Variants in RABAC1 observed in about 807,000 individuals in gnomAD.
The protein encoded by RABAC1 is Rab acceptor 1, also known as prenylated Rab acceptor protein 1.
RABAC1 carries 16 observed loss-of-function variants against 22.9 expected under a neutral mutation model. That is an observed-to-expected ratio of 0.70 (90% CI 0.47 to 1.06). RABAC1 has a LOEUF of 1.06. RABAC1 is among the 50% of genes least tolerant of loss of function. The pLI, the probability that RABAC1 is intolerant of heterozygous loss-of-function variation, is 0.00. For synonymous variants in RABAC1, 139 were observed against 107.7 expected, an observed-to-expected ratio of 1.29 and a Z score of -1.80; for missense variants, 227 against 246.5, an observed-to-expected ratio of 0.92 and a Z score of 0.53.
At chr19:41,958,410 G>A (rs376197104) in intron 2 of RABAC1, 27 bp from the exon 3 acceptor site, 28 of 1,597,648 alleles carry the variant, frequency 1.8e-5, no homozygotes, top group East Asian at 4.5e-5. Context: ...GGGAGGCAGC[G>A]GTTAGACAGC....
At chr19:41,957,749 A>G (rs2074996472) in intron 3 of RABAC1, 1 of 160,558 alleles carries the variant, frequency 6.2e-6, no homozygotes, top group Admixed American at 5.9e-5. Flanking sequence ...ACCCCACTCC[A>G]AACCTTGATT....
Position 41,958,811 on chromosome 19 carries a change from T to G in RABAC1, c.194A>C (p.Gln65Pro), listed in dbSNP as rs371710291. 6.2e-7 allele frequency: 1 copy of G among 1,611,666 alleles called. No individual in the cohort carries two copies. The highest frequency in any genetic ancestry group is 1.3e-5 in the African/African-American group (1 of 74,890). The change falls in exon 2 of 5, where the codon CAG becomes CCG. Residue 65 changes from glutamine (Q) to proline (P), a missense_variant. Transcript: ENST00000222008. ...SRPRNLGELC[Q>P]RLVRNVEYYQ... ...GTACTCCACGTTGCGTACGAGGCGC[T>G]GGCACAGCTCTCCCAGGTTGCGGGG... is the stretch of plus-strand genomic sequence containing the variant.
At chr19:41,958,234 A>C in intron 3 of RABAC1, 52 bp downstream of exon 3, 1 of 1,535,694 alleles carries the variant, frequency 6.5e-7, no homozygotes, top group Non-Finnish European at 8.9e-7. Flanking sequence ...CTGCATTCCA[A>C]AAGACCAAGA....
In RABAC1 at chr19:41,956,814, G is replaced by T. The variant is rs782788466; in HGVS notation, c.*32C>A. 1.9e-6 allele frequency: 3 copies of T among 1,572,872 alleles called. No individual in the cohort carries two copies. In the East Asian group the frequency reaches 6.8e-5, roughly 36 times the overall value. ...GGCATGGGCAGGGGTGGGGCAGCTG[G>T]CCCGGGAGGCCGGCAGGTCCCAGAA... On this transcript the variant is annotated 3_prime_UTR_variant, in exon 5 of 5. Coordinates refer to ENST00000222008, the MANE Select transcript of RABAC1 (RefSeq NM_006423.3).
Position 41,958,277 on chromosome 19 carries a change from G to A in RABAC1, c.367+9C>T, listed in dbSNP as rs782257129. ...GACCAAGGATTCATCTGGGCAGGGG[G>A]TTTCTCACCAAAGAGCACAAGCTTG... On this transcript the variant is annotated intron_variant, in intron 3 of 4. Coordinates refer to ENST00000222008, the MANE Select transcript of RABAC1 (RefSeq NM_006423.3). 2 of 1,606,342 alleles carry A rather than the reference G, an allele frequency of 1.2e-6. No homozygotes were observed. The highest frequency in any genetic ancestry group is 1.7e-6 in the Non-Finnish European group (2 of 1,174,728).
At position 41,959,299 on chromosome 19, in the gene RABAC1, G is replaced by C. The variant is rs782251314; in HGVS notation, c.-7C>G. ...GGTCCTTCTGCGCTGCCATGTCTGC[G>C]TCGTGAGGGGTAGAGCTGCTGTAAC... is the stretch of plus-strand genomic sequence containing the variant. On this transcript the variant is annotated 5_prime_UTR_variant, in exon 1 of 5. Coordinates refer to ENST00000222008, the MANE Select transcript of RABAC1 (RefSeq NM_006423.3). The C allele has an allele frequency of 3.7e-6, 6 of 1,613,572 alleles. No homozygotes were observed. Among genetic ancestry groups the C allele is most frequent in the Middle Eastern group, 1.6e-4 (1 of 6,062 alleles).
At position 41,959,302 on chromosome 19, in the gene RABAC1, G is replaced by C. The variant is rs771228785; in HGVS notation, c.-10C>G. 9.3e-6 allele frequency: 15 copies of C among 1,613,556 alleles called. 1 individual carries two copies. In the South Asian group the frequency reaches 1.6e-4, roughly 18 times the overall value. On this transcript the variant is annotated 5_prime_UTR_variant, in exon 1 of 5. Transcript: ENST00000222008. Reference sequence around the variant, plus strand: ...CCTTCTGCGCTGCCATGTCTGCGTCGTGAGGGGTAGAGCTGCTGTAACCAG... The same window carrying C: ...CCTTCTGCGCTGCCATGTCTGCGTCCTGAGGGGTAGAGCTGCTGTAACCAG...
chr19:41,957,926 A>C, intron 3 of RABAC1: 1 of 271,224 alleles, frequency 3.7e-6, no homozygotes, highest in Non-Finnish European at 7.4e-6. Flanking sequence ...GATCTAGGCC[A>C]GTGTAAGGTG....
rs1336494229 is a variant in RABAC1, at chr19:41,958,604, G to GCCTGGGCGGTGAGAAGAGGGC, written c.269+111_269+131dup. 38 of 1,075,394 alleles carry GCCTGGGCGGTGAGAAGAGGGC rather than the reference G, an allele frequency of 3.5e-5. 1 individual carries two copies. The South Asian group carries it at 4.7e-4, about 13-fold the overall frequency. The allele number at this position is 1,075,394 out of a possible 1,614,324, so 66.6% of individuals were successfully genotyped here. A position where few individuals can be genotyped will look rare whatever the true frequency, so the allele number is the denominator to read the frequency against. On this transcript the variant is annotated intron_variant, in intron 2 of 4. Transcript: ENST00000222008. Reference sequence around the variant, plus strand: ...AGCAGAGCCAATCCTTGGGGGCGGGGCCTGGGCGGTGAGAAGAGGGCCCTG... The same window carrying GCCTGGGCGGTGAGAAGAGGGC: ...AGCAGAGCCAATCCTTGGGGGCGGGGCCTGGGCGGTGAGAAGAGGGCCCTGGGCGGTGAGAAGAGGGCCCTG...
At position 41,958,303 on chromosome 19, in the gene RABAC1, G is replaced by T. The variant is rs781862656; in HGVS notation, c.350C>A (p.Ser117Tyr). 1 of 1,612,796 alleles carries T rather than the reference G, an allele frequency of 6.2e-7. No individual in the cohort carries two copies. Among genetic ancestry groups the T allele is most frequent in the African/African-American group, 1.3e-5 (1 of 74,920 alleles). ...TTTCTCACCAAAGAGCACAAGCTTG[G>T]ACTCCAAGGTGCGCAGATAGAGAAT... ...CYILYLRTLE[S>Y]KLVLFGREVS... Residue 117 changes from serine to tyrosine, a missense_variant, in exon 3 of 5, where the codon TCC (serine) becomes TAC (tyrosine). Ser to Tyr is a moderately radical substitution (Grantham distance 144, BLOSUM62 -2). Transcript: ENST00000222008.
chr19:41,958,329 G>GT lies in RABAC1; in HGVS notation c.323dup (p.Tyr108Ter), dbSNP rs1464792676. ...ACTCCAAGGTGCGCAGATAGAGAAT[G>GT]TAACAGGCGCCGAAAAAGACAGCCA... Reference protein sequence around the residue: ...VALAVFFGACYILYLRTLESK... With the variant: ...VALAVFFGAC The change falls in exon 3 of 5, where the codon TAC becomes TAAC. Residue 108 changes from tyrosine to a stop codon, truncating the protein, a stop_gained and frameshift_variant. Coordinates refer to ENST00000222008, the MANE Select transcript of RABAC1 (RefSeq NM_006423.3). LOFTEE classifies it high-confidence loss of function. The GT allele has an allele frequency of 5.6e-6, 9 of 1,613,492 alleles. No individual in the cohort carries two copies. Among genetic ancestry groups the GT allele is most frequent in the African/African-American group, 1.3e-5 (1 of 74,942 alleles).
At position 41,958,395 on chromosome 19, in the gene RABAC1, G is replaced by A; in HGVS notation, c.270-12C>T. On this transcript the variant is annotated splice_polypyrimidine_tract_variant and intron_variant, in intron 2 of 4. Coordinates refer to ENST00000222008, the MANE Select transcript of RABAC1 (RefSeq NM_006423.3). ...TAGGGGACGTCACCCTGGAGGAGGA[G>A]TGCAGGGAGGCAGCGGTTAGACAGC... is the stretch of plus-strand genomic sequence containing the variant. 6.2e-7 allele frequency: 1 copy of A among 1,609,534 alleles called. No individual in the cohort carries two copies.
At chr19:41,958,612 G>A (rs2075000811) in intron 2 of RABAC1, 124 bp downstream of exon 2, 2 of 1,116,494 alleles carry the variant, frequency 1.8e-6, no homozygotes, top group South Asian at 1.5e-5. Context: ...GGGCCTGGGC[G>A]GTGAGAAGAG....
intron 1 of RABAC1, 24 bp downstream of exon 1, chr19:41,959,213 A>C (rs782508619): frequency 6.2e-7 from 1 of 1,613,064 alleles, no homozygotes; most frequent in Non-Finnish European, 8.5e-7. Flanking sequence ...CTCTGGTCCG[A>C]GGGCCTAGAG....
At position 41,958,400 on chromosome 19, in the gene RABAC1, G is replaced by C; in HGVS notation, c.270-17C>G. On this transcript the variant is annotated splice_polypyrimidine_tract_variant and intron_variant, in intron 2 of 4. Coordinates refer to ENST00000222008, the MANE Select transcript of RABAC1 (RefSeq NM_006423.3). The stretch of plus-strand genomic sequence containing the variant: ...GACGTCACCCTGGAGGAGGAGTGCA[G>C]GGAGGCAGCGGTTAGACAGCTGGGG... The C allele has an allele frequency of 6.2e-7, 1 of 1,606,878 alleles. No homozygotes were observed. Among genetic ancestry groups the C allele is most frequent in the Non-Finnish European group, 8.5e-7 (1 of 1,175,420 alleles).
Position 41,956,864 on chromosome 19 carries a change from C to T in RABAC1, c.540G>A (p.Leu180=). The T allele has an allele frequency of 6.2e-7, 1 of 1,611,806 alleles. No homozygotes were observed. The highest frequency in any genetic ancestry group is 8.5e-7 in the Non-Finnish European group (1 of 1,179,182). ...HQIEAVDGEE[L]QMEPV is the part of the protein sequence containing the mutation. ...AGACACCTCACACGGGTTCCATCTG[C>T]AGCTCCTCCCCGTCCACAGCCTCAA... The change falls in exon 5 of 5, where the codon CTG becomes CTA. Residue 180 remains leucine (L), a synonymous_variant. Transcript: ENST00000222008.
chr19:41,957,933 G>A lies in RABAC1; in HGVS notation c.367+353C>T, dbSNP rs368996520. The A allele has an allele frequency of 2.1e-5, 6 of 289,516 alleles. No homozygotes were observed. The East Asian group carries it at 4.3e-4, about 21-fold the overall frequency. 17.9% of individuals were successfully genotyped at this position (289,516 alleles called of 1,614,324 possible). ...CGGGAACAGATCTAGGCCAGTGTAA[G>A]GTGGCCACCTGGTGTCCAGTGTGGG... is the stretch of plus-strand genomic sequence containing the variant. On this transcript the variant is annotated intron_variant, in intron 3 of 4. Coordinates refer to ENST00000222008, the MANE Select transcript of RABAC1 (RefSeq NM_006423.3).
chr19:41,957,411 T>C (rs2074995065), intron 3 of RABAC1: 2 of 438,300 alleles, frequency 4.6e-6, no homozygotes, highest in Non-Finnish European at 8.3e-6. Flanking sequence ...ACTAGGGCTC[T>C]CCTGCTGCAA....
At chr19:41,959,126 C>T in intron 1 of RABAC1, 111 bp downstream of exon 1, 1 of 1,490,036 alleles carries the variant, frequency 6.7e-7, no homozygotes, top group Non-Finnish European at 9.1e-7. Flanking sequence ...GGGGCCAACA[C>T]TTCTGCGGCT....
Sources: gnomAD v4.1 joint callset for allele counts on GRCh38, gnomAD v4.1.1 for gene constraint, MANE v1.5 for transcripts, NCBI Gene and HGNC (gene_info 2026-07-23, HGNC 2026-07-21) for gene names.